Variants in BMPR2 observed in about 807,000 individuals in gnomAD.
BMPR2 encodes the protein bone morphogenetic protein receptor type 2.
In BMPR2, 29 loss-of-function variants were observed where a neutral mutation model predicts 100.8. That is an observed-to-expected ratio of 0.29 (90% CI 0.21 to 0.39). The LOEUF (loss-of-function observed/expected upper bound fraction) is 0.39. BMPR2 is among the 10% of genes least tolerant of loss of function. The pLI is 1.00. For synonymous variants in BMPR2, 382 were observed against 442.3 expected (o/e 0.86, Z 1.71); for missense variants, 1,011 against 1,274.5 (o/e 0.79, Z 3.15).
chr2:202,522,755 T>C (rs1687840535), intron 7 of BMPR2, among the ~76,000 whole-genome samples: 2 of 148,442 alleles, frequency 1.3e-5, no homozygotes, highest in South Asian at 2.1e-4. Flanking sequence ...AGCTTGAGCC[T>C]AGGAATTCTA....
In BMPR2 at chr2:202,437,810, T is replaced by A. The variant is rs116201703; in HGVS notation, c.77-26999T>A. Among the ~76,000 whole-genome samples the A allele has an allele frequency of 4.0e-3, 599 of 150,906 alleles. 66 individuals carry two copies. The highest frequency in any genetic ancestry group is 0.014 in the African/African-American group (567 of 40,196). On this transcript the variant is annotated intron_variant, in intron 1 of 12. Coordinates refer to ENST00000374580, the MANE Select transcript of BMPR2 (RefSeq NM_001204.7). Reference sequence around the variant, plus strand: ...ATATATCCAGCACTTCATTTCCTTTTATTGCCCAATAACATTCTATTACGG... The same window carrying A: ...ATATATCCAGCACTTCATTTCCTTTAATTGCCCAATAACATTCTATTACGG...
In BMPR2 at chr2:202,560,033, ATCC is replaced by A; in HGVS notation, c.*92_*94del. ...TTAAAAATAAAAAAAAAACTGCTTTATCCTCCTGTCAGCACCCCCTCCCACCCC... is the reference window on the plus strand; with the variant it reads ...TTAAAAATAAAAAAAAAACTGCTTTATCCTGTCAGCACCCCCTCCCACCCC... On this transcript the variant is annotated 3_prime_UTR_variant, in exon 13 of 13. Transcript: ENST00000374580. 6.4e-6 allele frequency: 10 copies of A among 1,552,360 alleles called. No individual in the cohort carries two copies. The highest frequency in any genetic ancestry group is 2.3e-5 in the East Asian group (1 of 43,906).
chr2:202,449,410 T>C (rs2105946329), intron 1 of BMPR2, among the ~76,000 whole-genome samples: 1 of 152,276 alleles, frequency 6.6e-6, no homozygotes, highest in Non-Finnish European at 1.5e-5. Flanking sequence ...AACTTGGCCC[T>C]TAGCTGGCAT....
At chr2:202,537,032 G>C (rs1574497476) in intron 9 of BMPR2, among the ~76,000 whole-genome samples, 1 of 152,094 alleles carries the variant, frequency 6.6e-6, no homozygotes, top group Non-Finnish European at 1.5e-5. Flanking sequence ...GAGTAGCTAG[G>C]ACTACAGGTG....
At chr2:202,552,473 C>T (rs1479622055) in intron 10 of BMPR2, among the ~76,000 whole-genome samples, 1 of 152,184 alleles carries the variant, frequency 6.6e-6, no homozygotes, top group African/African-American at 2.4e-5. Context: ...ACATCTACGA[C>T]TTATTGTTGC....
intron 1 of BMPR2, among the ~76,000 whole-genome samples, chr2:202,411,315 A>G (rs1412010830): frequency 1.3e-5 from 2 of 152,240 alleles, no homozygotes; most frequent in African/African-American, 4.8e-5. Flanking sequence ...TTCATGAATC[A>G]GGCAGCATCC....
intron 7 of BMPR2, among the ~76,000 whole-genome samples, chr2:202,528,138 G>C (rs941973479): frequency 6.6e-6 from 1 of 152,142 alleles, no homozygotes; most frequent in Non-Finnish European, 1.5e-5. Context: ...AGTGAGCCAA[G>C]ATCATGCCAC....
intron 2 of BMPR2, among the ~76,000 whole-genome samples, chr2:202,466,258 C>T (rs67714233): frequency 6.6e-6 from 1 of 151,944 alleles, no homozygotes; most frequent in Non-Finnish European, 1.5e-5. Flanking sequence ...ACTGTATGAA[C>T]GTGTCTGTGT....
At chr2:202,499,866 C>T (rs1336099459) in intron 3 of BMPR2, among the ~76,000 whole-genome samples, 2 of 152,158 alleles carry the variant, frequency 1.3e-5, no homozygotes, top group African/African-American at 4.8e-5. Flanking sequence ...ACAAACAAAC[C>T]TTGGTGGTTC....
At chr2:202,550,877 T>G (rs1021333802) in intron 10 of BMPR2, among the ~76,000 whole-genome samples, 3 of 151,684 alleles carry the variant, frequency 2.0e-5, no homozygotes, top group African/African-American at 4.8e-5. Context: ...CTAAGTAGGC[T>G]TTTGGGTTCT....
chr2:202,418,646 T>G (rs1691189411), intron 1 of BMPR2, among the ~76,000 whole-genome samples: 1 of 152,188 alleles, frequency 6.6e-6, no homozygotes, highest in Admixed American at 6.5e-5. Context: ...ATAGGCAGAT[T>G]CAAAGATTTT....
intron 2 of BMPR2, among the ~76,000 whole-genome samples, chr2:202,465,495 G>A (rs1320196244): frequency 2.6e-5 from 4 of 152,044 alleles, no homozygotes; most frequent in African/African-American, 7.2e-5. Context: ...ATACATGCCC[G>A]TTCTATGAAT....
chr2:202,433,909 AAAAT>A (rs1465996993), intron 1 of BMPR2, among the ~76,000 whole-genome samples: 5 of 150,562 alleles, frequency 3.3e-5, no homozygotes, highest in East Asian at 3.9e-4. Context: ...TCTGTCTCAA[AAAAT>A]AAATAAATAA....
intron 10 of BMPR2, among the ~76,000 whole-genome samples, chr2:202,547,256 A>G (rs1209503822): frequency 6.6e-6 from 1 of 152,022 alleles, no homozygotes; most frequent in Middle Eastern, 3.2e-3. Flanking sequence ...CACCCATACT[A>G]TAGTGCAGGG....
At chr2:202,407,894 C>G (rs1690935557) in intron 1 of BMPR2, among the ~76,000 whole-genome samples, 1 of 150,576 alleles carries the variant, frequency 6.6e-6, no homozygotes, top group South Asian at 2.1e-4. Context: ...AGTGCAGTGG[C>G]GTGATCTCGG....
intron 10 of BMPR2, among the ~76,000 whole-genome samples, chr2:202,550,597 G>A (rs561915186): frequency 2.0e-5 from 3 of 152,098 alleles, no homozygotes; most frequent in African/African-American, 4.8e-5. Flanking sequence ...GGTCTTGCCT[G>A]TAATCCCAGC....
chr2:202,560,256 G>A lies in BMPR2; in HGVS notation c.*310G>A, dbSNP rs1688657425. ...TCAAAATATTTTTTTAAGAAAAAAAGCAAAAACAATGTATTGCTGATAATC... is the reference window on the plus strand; with the variant it reads ...TCAAAATATTTTTTTAAGAAAAAAAACAAAAACAATGTATTGCTGATAATC... On this transcript the variant is annotated 3_prime_UTR_variant, in exon 13 of 13. Transcript: ENST00000374580. 3 of 334,952 alleles carry A rather than the reference G, an allele frequency of 9.0e-6. No individual in the cohort carries two copies. The highest frequency in any genetic ancestry group is 1.7e-5 in the Non-Finnish European group (3 of 178,342). 20.7% of individuals were successfully genotyped at this position (334,952 alleles called of 1,614,324 possible). A position where few individuals can be genotyped will look rare whatever the true frequency, so the allele number is the denominator to read the frequency against.
chr2:202,465,259 T>C (rs1001358959), intron 2 of BMPR2, among the ~76,000 whole-genome samples: 1 of 151,606 alleles, frequency 6.6e-6, no homozygotes, highest in Non-Finnish European at 1.5e-5. Context: ...TATGGTGGTG[T>C]GCGCCTGTGG....
chr2:202,538,963 G>A (rs964987103), intron 9 of BMPR2, among the ~76,000 whole-genome samples: 4 of 152,110 alleles, frequency 2.6e-5, no homozygotes, highest in African/African-American at 9.7e-5. Flanking sequence ...TTTGGGAGTT[G>A]TCTACATAGA....
Sources: gnomAD v4.1 joint callset for allele counts (sites outside exome capture counted in the v4.1 genomes callset) on GRCh38, gnomAD v4.1.1 for gene constraint, MANE v1.5 for transcripts, NCBI Gene and HGNC (gene_info 2026-07-23, HGNC 2026-07-21) for gene names.